Variants in GGA2 observed in about 807,000 individuals in gnomAD.
GGA2 encodes ADP-ribosylation factor-binding protein GGA2.
In GGA2, 48 loss-of-function variants were observed where a neutral mutation model predicts 79.5. That is an observed-to-expected ratio of 0.60 (90% CI 0.48 to 0.77). The LOEUF (loss-of-function observed/expected upper bound fraction) is 0.77. GGA2 is among the 30% of genes least tolerant of loss of function. The probability of loss-of-function intolerance (pLI) is 0.00; values close to 1 mark genes in which losing one functional copy is unlikely to be tolerated. For synonymous variants in GGA2, 317 were observed against 302.0 expected (o/e 1.05, Z -0.51); for missense variants, 770 against 774.0 (o/e 0.99, Z 0.06).
chr16:23,507,951 C>T (rs1278806033), intron 1 of GGA2, among the ~76,000 whole-genome samples: 1 of 152,042 alleles, frequency 6.6e-6, no homozygotes, highest in Non-Finnish European at 1.5e-5. Flanking sequence ...CACAGTGAGA[C>T]TCTGTTTCAA....
intron 5 of GGA2, 143 bp downstream of exon 5, chr16:23,491,534 A>T: frequency 2.2e-6 from 1 of 463,356 alleles, no homozygotes; most frequent in Non-Finnish European, 3.6e-6. Flanking sequence ...ATTGCGTAAA[A>T]AAAAAAAAAA....
chr16:23,472,184 GTTTTTTTTT>G (rs749688834), intron 14 of GGA2, among the ~76,000 whole-genome samples: 5 of 54,838 alleles, frequency 9.1e-5, no homozygotes, highest in African/African-American at 1.3e-4. Context: ...TGTAGCCCTG[GTTTTTTTTT>G]TTTTTTTTTT....
chr16:23,481,995 C>A (rs1964654663), intron 9 of GGA2, among the ~76,000 whole-genome samples: 1 of 149,982 alleles, frequency 6.7e-6, no homozygotes, highest in African/African-American at 2.5e-5. Context: ...GGCCGGGGAT[C>A]GTGGCTCACG....
chr16:23,470,006 G>A lies in GGA2; in HGVS notation c.1610C>T (p.Ala537Val), dbSNP rs1964489102. ...QPVWDIMFQV[A>V]VPKSMRVKLQ... ...CAACAGATGACTCACCTTTGGCACAGCCACTTGAAACATGATATCCCAGAC... is the reference window on the plus strand; with the variant it reads ...CAACAGATGACTCACCTTTGGCACAACCACTTGAAACATGATATCCCAGAC... The change falls in exon 15 of 17, where the codon GCT becomes GTT. Residue 537 changes from alanine (A) to valine (V), a missense_variant. Coordinates refer to ENST00000309859, the MANE Select transcript of GGA2 (RefSeq NM_015044.4). 1 of 1,551,912 alleles carries A rather than the reference G, an allele frequency of 6.4e-7. No homozygotes were observed. The highest frequency in any genetic ancestry group is 8.7e-7 in the Non-Finnish European group (1 of 1,148,698).
At chr16:23,482,530 G>A (rs1257210181) in intron 9 of GGA2, among the ~76,000 whole-genome samples, 2 of 151,996 alleles carry the variant, frequency 1.3e-5, no homozygotes, top group East Asian at 1.9e-4. Flanking sequence ...ATTTCCCATC[G>A]GCCTGGCCCT....
intron 13 of GGA2, among the ~76,000 whole-genome samples, chr16:23,477,742 A>C (rs891287325): frequency 2.0e-5 from 3 of 152,046 alleles, no homozygotes; most frequent in Non-Finnish European, 4.4e-5. Flanking sequence ...GCGAGACTCC[A>C]TCTCAAAAAC....
intron 1 of GGA2, among the ~76,000 whole-genome samples, chr16:23,505,944 G>A (rs1389086137): frequency 6.6e-6 from 1 of 152,062 alleles, no homozygotes; most frequent in Non-Finnish European, 1.5e-5. Flanking sequence ...TTTGGTAAGC[G>A]GGTATGGGTA....
intron 11 of GGA2, 26 bp downstream of exon 11, chr16:23,479,739 T>G: frequency 6.2e-7 from 1 of 1,613,052 alleles, no homozygotes; most frequent in East Asian, 2.2e-5. Flanking sequence ...ATCCTGTGCC[T>G]GCTCCCCACA....
intron 5 of GGA2, among the ~76,000 whole-genome samples, chr16:23,491,244 C>T (rs1177603827): frequency 7.3e-6 from 1 of 137,526 alleles, no homozygotes; most frequent in Non-Finnish European, 1.5e-5. Flanking sequence ...AAGGTCGAGG[C>T]TACAGTGAGC....
chr16:23,509,175 C>T (rs1250957570), intron 1 of GGA2, among the ~76,000 whole-genome samples: 1 of 152,212 alleles, frequency 6.6e-6, no homozygotes, highest in Non-Finnish European at 1.5e-5. Flanking sequence ...AGCAACCCCG[C>T]CCTCGGATAA....
At chr16:23,516,333 T>A (rs1965102736) in intron 2 of GGA2, among the ~76,000 whole-genome samples, 1 of 152,170 alleles carries the variant, frequency 6.6e-6, no homozygotes, top group Admixed American at 6.5e-5. Flanking sequence ...TATAATTTGG[T>A]GAGGCACTAT....
upstream of GGA2, chr16:23,510,642 T>G: frequency 2.7e-6 from 1 of 371,164 alleles, no homozygotes; most frequent in Non-Finnish European, 4.8e-6. Context: ...CACCGTACGG[T>G]TGCCAGATAA....
intron 3 of GGA2, chr16:23,493,735 T>C: frequency 7.6e-6 from 3 of 393,530 alleles, no homozygotes; most frequent in Non-Finnish European, 9.4e-6. Context: ...AAGGAGACCC[T>C]TTGAGAGGAG....
chr16:23,494,323 C>T lies in GGA2; in HGVS notation c.232G>A (p.Glu78Lys), dbSNP rs752425706. The change falls in exon 3 of 17, where the codon GAA (glutamate) becomes AAA (lysine). Residue 78 changes from glutamate (E) to lysine (K), a missense_variant. Transcript: ENST00000309859. ...AHKIQSPQEK[E>K]ALYALTVLEM... ...CTCACCGTTAAGGCATAAAGAGCTT[C>T]CTTCTCTTGCGGAGACTGGATCTTG... 2 of 1,611,794 alleles carry T rather than the reference C, an allele frequency of 1.2e-6. No individual in the cohort carries two copies. Among genetic ancestry groups the T allele is most frequent in the Admixed American group, 1.7e-5 (1 of 60,028 alleles).
At chr16:23,489,943 T>C (rs2142129885) in intron 5 of GGA2, among the ~76,000 whole-genome samples, 1 of 152,220 alleles carries the variant, frequency 6.6e-6, no homozygotes, top group East Asian at 1.9e-4. Flanking sequence ...GGCCCAGATC[T>C]ACACTGGGGT....
chr16:23,480,571 T>C (rs1434305237), intron 10 of GGA2, 74 bp downstream of exon 10: 11 of 1,302,220 alleles, frequency 8.4e-6, no homozygotes, highest in African/African-American at 1.5e-5. Context: ...AGAATATGTT[T>C]AGGACCCATT....
chr16:23,479,551 C>G (rs550156376), intron 11 of GGA2, among the ~76,000 whole-genome samples: 4 of 148,394 alleles, frequency 2.7e-5, no homozygotes, highest in African/African-American at 1.0e-4. Flanking sequence ...GCAGCAGACA[C>G]GTGCTTCCCA....
chr16:23,477,079 G>A (rs1041914310), intron 13 of GGA2, among the ~76,000 whole-genome samples: 3 of 152,148 alleles, frequency 2.0e-5, no homozygotes, highest in Non-Finnish European at 4.4e-5. Flanking sequence ...AGCCTCCTGA[G>A]CAGCTGGGAC....
intron 13 of GGA2, among the ~76,000 whole-genome samples, chr16:23,475,672 G>A (rs1190719090): frequency 6.6e-6 from 1 of 151,594 alleles, no homozygotes; most frequent in Admixed American, 6.6e-5. Context: ...GGGAGGCCGA[G>A]GCAGGTGGAT....
Sources: gnomAD v4.1 joint callset for allele counts (sites outside exome capture counted in the v4.1 genomes callset) on GRCh38, gnomAD v4.1.1 for gene constraint, MANE v1.5 for transcripts, NCBI Gene and HGNC (gene_info 2026-07-23, HGNC 2026-07-21) for gene names.